GRIA3: variants seen among roughly 807,000 people sequenced by gnomAD.
GRIA3 encodes the protein glutamate receptor 3.
Under a neutral mutation model 63.0 loss-of-function variants are expected in GRIA3, and 3 were observed. The ratio of observed to expected loss-of-function variants is 0.05; its 90% CI spans 0.02 to 0.12. GRIA3 has a LOEUF of 0.12. Ranked by LOEUF, GRIA3 falls within the 10% of genes least tolerant of loss-of-function variation. The probability of loss-of-function intolerance (pLI) is 1.00; values close to 1 mark genes in which losing one functional copy is unlikely to be tolerated. For synonymous variants in GRIA3, 274 were observed against 257.9 expected (o/e 1.06, Z -0.60); for missense variants, 347 against 700.9 (o/e 0.50, Z 5.70).
chrX:123,252,677 G>T (rs189537967), intron 2 of GRIA3, among the ~76,000 whole-genome samples: 1 of 111,334 alleles, frequency 9.0e-6, no homozygotes, highest in East Asian at 2.8e-4. Context: ...AATTACACAT[G>T]GGCAGGATAG....
intron 1 of GRIA3, chrX:123,184,950 G>C (rs896197516): frequency 3.8e-5 from 16 of 416,678 alleles, no homozygotes; most frequent in Non-Finnish European, 7.1e-5. Context: ...ATGCTGCAAG[G>C]GGGTGAAGAG....
At chrX:123,251,019 C>A (rs751403081) in intron 2 of GRIA3, among the ~76,000 whole-genome samples, 13 of 111,546 alleles carry the variant, frequency 1.2e-4, no homozygotes, top group South Asian at 1.1e-3. Context: ...TGCTTAATAG[C>A]TAGAACAGTT....
intron 5 of GRIA3, chrX:123,361,175 T>A (rs2045172004): frequency 8.9e-6 from 1 of 111,886 alleles, no homozygotes; most frequent in East Asian, 2.8e-4. Flanking sequence ...AAAACAAGTT[T>A]AAATAAGATT....
At chrX:123,254,196 C>T (rs928104360) in intron 3 of GRIA3, among the ~76,000 whole-genome samples, 9 of 111,489 alleles carry the variant, frequency 8.1e-5, no homozygotes, top group African/African-American at 2.9e-4. Flanking sequence ...AGACAGTCTA[C>T]GGCCATACCA....
intron 3 of GRIA3, among the ~76,000 whole-genome samples, chrX:123,292,049 G>C (rs2147308547): frequency 9.0e-6 from 1 of 111,163 alleles, no homozygotes; most frequent in South Asian, 3.8e-4. Flanking sequence ...GCATCTAGCT[G>C]TGTGTCAAGT....
intron 2 of GRIA3, among the ~76,000 whole-genome samples, chrX:123,243,086 A>T (rs1008861907): frequency 1.8e-5 from 2 of 110,731 alleles, no homozygotes; most frequent in African/African-American, 6.6e-5. Flanking sequence ...CAATAACTTG[A>T]CCTTAAAAAA....
In GRIA3 at chrX:123,480,685, T is replaced by C. The variant is rs774437811; in HGVS notation, c.2439+508T>C. ...CAAAGACTGGTCTCTGTAAGCAGAATGATTAGCCTCCTGCCAGCTGCTGTT... is the reference window on the plus strand; with the variant it reads ...CAAAGACTGGTCTCTGTAAGCAGAACGATTAGCCTCCTGCCAGCTGCTGTT... On this transcript the variant is annotated intron_variant, in intron 14 of 15. Transcript: ENST00000620443. Among the ~76,000 whole-genome samples, 19 of 112,056 alleles carry C rather than the reference T, an allele frequency of 1.7e-4. No homozygotes were observed. In the East Asian group the frequency reaches 3.6e-3, roughly 21 times the overall value.
intron 3 of GRIA3, among the ~76,000 whole-genome samples, chrX:123,321,070 G>A (rs1247330717): frequency 8.9e-6 from 1 of 111,864 alleles, no homozygotes; most frequent in East Asian, 2.8e-4. Context: ...GTAATACTGT[G>A]GTTCTGTGTC....
chrX:123,334,015 C>T (rs1055464083), intron 4 of GRIA3, among the ~76,000 whole-genome samples: 2 of 111,813 alleles, frequency 1.8e-5, no homozygotes, highest in African/African-American at 6.5e-5. Context: ...AATGACATGG[C>T]AATTTGATGC....
In GRIA3 at chrX:123,426,773, A is replaced by G. The variant is rs138725954; in HGVS notation, c.1878-1168A>G. ...AATTTCCCCTTATTAAAACTTACCC[A>G]TCTTCTTTCCCATTCCCTACTAACT... On this transcript the variant is annotated intron_variant, in intron 11 of 15. Transcript: ENST00000620443. Among the ~76,000 whole-genome samples, 14 of 112,482 alleles carry G rather than the reference A, an allele frequency of 1.2e-4. No homozygotes were observed. The East Asian group carries it at 3.1e-3, about 25-fold the overall frequency.
At chrX:123,306,748 G>A (rs2044757296) in intron 3 of GRIA3, among the ~76,000 whole-genome samples, 1 of 111,899 alleles carries the variant, frequency 8.9e-6, no homozygotes, top group Non-Finnish European at 1.9e-5. Context: ...AGACAGAGTA[G>A]GGGAGCCTAG....
At chrX:123,308,981 A>T (rs2044772124) in intron 3 of GRIA3, among the ~76,000 whole-genome samples, 1 of 112,018 alleles carries the variant, frequency 8.9e-6, no homozygotes, top group African/African-American at 3.2e-5. Flanking sequence ...GAGAGCAATG[A>T]CCCCCTTGAA....
At chrX:123,372,587 T>C (rs746634381) in intron 5 of GRIA3, among the ~76,000 whole-genome samples, 12 of 111,980 alleles carry the variant, frequency 1.1e-4, no homozygotes, top group African/African-American at 1.6e-4. Context: ...AGATATCTTT[T>C]ACTTTTTTGG....
chrX:123,345,853 T>G (rs1186432020), intron 4 of GRIA3, among the ~76,000 whole-genome samples: 2 of 110,164 alleles, frequency 1.8e-5, no homozygotes, highest in East Asian at 5.7e-4. Context: ...TTGGAGGAGG[T>G]TGCATATGAC....
At chrX:123,469,484 G>A (rs182649467) in intron 13 of GRIA3, among the ~76,000 whole-genome samples, 63 of 111,937 alleles carry the variant, frequency 5.6e-4, no homozygotes, top group African/African-American at 2.0e-3. Flanking sequence ...CCTACAAGCT[G>A]AAACCAGAAT....
At chrX:123,435,088 C>T (rs1432261765) in intron 12 of GRIA3, among the ~76,000 whole-genome samples, 1 of 111,941 alleles carries the variant, frequency 8.9e-6, no homozygotes, top group Non-Finnish European at 1.9e-5. Flanking sequence ...TATTTGGAGA[C>T]AGATTAACTT....
rs188378907 is a variant in GRIA3, at chrX:123,455,071, G to C, written c.2077-9794G>C. On this transcript the variant is annotated intron_variant, in intron 12 of 15. Coordinates refer to ENST00000620443, the MANE Select transcript of GRIA3 (RefSeq NM_007325.5). ...GTTAAGCAAAGTCATTTACATTTGA[G>C]GGCAAAACTTAATGTCTAGGCGAAA... Among the ~76,000 whole-genome samples, 5 of 111,904 alleles carry C rather than the reference G, an allele frequency of 4.5e-5. No individual in the cohort carries two copies. The Admixed American group carries it at 4.7e-4, about 11-fold the overall frequency.
At chrX:123,379,620 G>GTTTT (rs369507360) in intron 5 of GRIA3, among the ~76,000 whole-genome samples, 2 of 68,003 alleles carry the variant, frequency 2.9e-5, no homozygotes, top group Admixed American at 2.0e-4. Context: ...CTAGCAACTT[G>GTTTT]TTTTTTTTTT....
chrX:123,238,635 T>C (rs1034736285), intron 2 of GRIA3, among the ~76,000 whole-genome samples: 9 of 112,580 alleles, frequency 8.0e-5, no homozygotes, highest in African/African-American at 1.6e-4. Flanking sequence ...TTATTTTTAA[T>C]GCTAGGTCAT....
Sources: gnomAD v4.1 joint callset for allele counts (sites outside exome capture counted in the v4.1 genomes callset) on GRCh38, gnomAD v4.1.1 for gene constraint, MANE v1.5 for transcripts, NCBI Gene and HGNC (gene_info 2026-07-23, HGNC 2026-07-21) for gene names.